The following C1QTNF3 variants were observed in gnomAD, a reference collection of about 807,000 sequenced individuals.
The protein encoded by C1QTNF3 is complement C1q tumor necrosis factor-related protein 3.
In C1QTNF3, 26 loss-of-function variants were observed where a neutral mutation model predicts 32.6. The observed-to-expected ratio is 0.80, with a 90% CI of 0.58 to 1.11. C1QTNF3 has a LOEUF of 1.11. Among genes scored for constraint, C1QTNF3 ranks in the 50% least tolerant of loss-of-function variants. C1QTNF3 has a pLI of 0.00. For synonymous variants in C1QTNF3, 155 were observed against 146.0 expected, an observed-to-expected ratio of 1.06 and a Z score of -0.44; for missense variants, 362 against 398.2, an observed-to-expected ratio of 0.91 and a Z score of 0.77.
the C1QTNF3 span, among the ~76,000 whole-genome samples, chr5:34,134,544 G>C: frequency 1.3e-5 from 2 of 152,110 alleles, no homozygotes; most frequent in Non-Finnish European, 2.9e-5. Context: ...ACTTAGCCTA[G>C]ACCTGACTGC....
At chr5:34,182,486 T>C in the C1QTNF3 span, among the ~76,000 whole-genome samples, 1 of 141,308 alleles carries the variant, frequency 7.1e-6, no homozygotes, top group African/African-American at 2.9e-5. Flanking sequence ...AATAAATAAA[T>C]AAATAAATAA....
chr5:34,026,563 C>T (rs1474222138), intron 4 of C1QTNF3, among the ~76,000 whole-genome samples: 2 of 151,702 alleles, frequency 1.3e-5, no homozygotes, highest in Admixed American at 6.6e-5. Context: ...TTCATGGACC[C>T]GGTGCAGTCT....
chr5:34,241,285 A>G, the C1QTNF3 span, among the ~76,000 whole-genome samples: 2 of 152,116 alleles, frequency 1.3e-5, no homozygotes, highest in Non-Finnish European at 2.9e-5. Flanking sequence ...AATCCTAGTC[A>G]GAGCAATCTC....
At chr5:34,056,446 G>A in the C1QTNF3 span, among the ~76,000 whole-genome samples, 337 of 38,404 alleles carry the variant, frequency 8.8e-3, 3 homozygotes, top group African/African-American at 0.018. Context: ...GTGTGTGTGT[G>A]TGTGTGTGTA....
At chr5:34,163,750 T>C in the C1QTNF3 span, among the ~76,000 whole-genome samples, 1 of 152,182 alleles carries the variant, frequency 6.6e-6, no homozygotes, top group African/African-American at 2.4e-5. Context: ...GCATTCATTC[T>C]TAAATACTAC....
the C1QTNF3 span, among the ~76,000 whole-genome samples, chr5:34,131,955 G>A: frequency 1.4e-4 from 22 of 152,024 alleles, no homozygotes; most frequent in Admixed American, 1.2e-3. Context: ...ATTAAATAAC[G>A]GTGATAGTAG....
At chr5:34,026,200 T>C (rs1283041412) in intron 4 of C1QTNF3, among the ~76,000 whole-genome samples, 5 of 152,018 alleles carry the variant, frequency 3.3e-5, no homozygotes, top group South Asian at 2.1e-4. Context: ...CAAATGCCCC[T>C]GAGGGTGGAC....
the C1QTNF3 span, among the ~76,000 whole-genome samples, chr5:34,172,763 T>C: frequency 1.3e-5 from 2 of 152,184 alleles, no homozygotes; most frequent in Admixed American, 6.5e-5. Flanking sequence ...GGTGCAGACA[T>C]AGCTTCAGGT....
the C1QTNF3 span, among the ~76,000 whole-genome samples, chr5:34,222,988 T>C: frequency 6.6e-6 from 1 of 151,984 alleles, no homozygotes; most frequent in African/African-American, 2.4e-5. Context: ...TGTAGTGCTA[T>C]AATTAAAAAT....
At chr5:34,085,385 T>G in the C1QTNF3 span, among the ~76,000 whole-genome samples, 1 of 150,994 alleles carries the variant, frequency 6.6e-6, no homozygotes, top group South Asian at 2.1e-4. Flanking sequence ...GTTATCCAGT[T>G]TTCCCAATAC....
the C1QTNF3 span, among the ~76,000 whole-genome samples, chr5:34,237,847 C>T: frequency 7.9e-5 from 12 of 152,002 alleles, no homozygotes; most frequent in African/African-American, 2.2e-4. Context: ...GCAGGAGACT[C>T]CCCCAGGGCC....
At chr5:34,066,341 T>G in the C1QTNF3 span, among the ~76,000 whole-genome samples, 1 of 152,236 alleles carries the variant, frequency 6.6e-6, no homozygotes. Flanking sequence ...ACCCTGCTCA[T>G]GCCTGACAAG....
At chr5:34,024,951 T>C (rs993399311) in intron 4 of C1QTNF3, among the ~76,000 whole-genome samples, 33 of 152,206 alleles carry the variant, frequency 2.2e-4, no homozygotes, top group African/African-American at 7.7e-4. Context: ...AACCCAGAAA[T>C]AGCTTTAATA....
the C1QTNF3 span, among the ~76,000 whole-genome samples, chr5:34,083,713 C>T: frequency 2.0e-5 from 3 of 151,804 alleles, no homozygotes; most frequent in East Asian, 5.8e-4. Context: ...GACTAAATGC[C>T]GGTAGTAATT....
At chr5:34,205,108 GT>G in the C1QTNF3 span, among the ~76,000 whole-genome samples, 1 of 142,662 alleles carries the variant, frequency 7.0e-6, no homozygotes, top group African/African-American at 2.6e-5. Context: ...ATTTAATTTA[GT>G]TGATAAAGAT....
chr5:34,121,012 G>A, the C1QTNF3 span, among the ~76,000 whole-genome samples: 19 of 152,218 alleles, frequency 1.2e-4, no homozygotes, highest in African/African-American at 4.1e-4. Flanking sequence ...TTTTATAAAT[G>A]TTTAAAAATA....
chr5:34,158,507 C>T, the C1QTNF3 span: 1 of 152,098 alleles, frequency 6.6e-6, no homozygotes, highest in South Asian at 2.1e-4. Context: ...GAATTAGTGT[C>T]TATATTTCAG....
At chr5:34,175,047 C>A in the C1QTNF3 span, among the ~76,000 whole-genome samples, 1 of 144,366 alleles carries the variant, frequency 6.9e-6, no homozygotes, top group Non-Finnish European at 1.5e-5. Flanking sequence ...GTGCCCAGCT[C>A]CTTTTTTTTT....
the C1QTNF3 span, chr5:34,168,028 T>G: frequency 6.6e-6 from 1 of 151,764 alleles, no homozygotes. Flanking sequence ...CTAGGAGAGC[T>G]CTCCTTTTCA....
Sources: gnomAD v4.1 joint callset for allele counts (sites outside exome capture counted in the v4.1 genomes callset) on GRCh38, gnomAD v4.1.1 for gene constraint, MANE v1.5 for transcripts, NCBI Gene and HGNC (gene_info 2026-07-23, HGNC 2026-07-21) for gene names.